The following PKNOX2 variants were observed in gnomAD, a reference collection of about 807,000 sequenced individuals.
The protein encoded by PKNOX2 is homeobox protein PKNOX2.
PKNOX2 carries 14 observed loss-of-function variants against 53.1 expected under a neutral mutation model. The observed-to-expected ratio is 0.26, with a 90% confidence interval of 0.17 to 0.41. PKNOX2 has a LOEUF of 0.41. Among genes scored for constraint, PKNOX2 ranks in the 10% least tolerant of loss-of-function variants. The pLI, the probability that PKNOX2 is intolerant of heterozygous loss-of-function variation, is 1.00. For synonymous variants in PKNOX2, 257 were observed against 242.8 expected (o/e 1.06, Z -0.54); for missense variants, 496 against 602.8 (o/e 0.82, Z 1.85).
chr11:125,265,890 C>A (rs1057011409), intron 2 of PKNOX2, among the ~76,000 whole-genome samples: 6 of 152,186 alleles, frequency 3.9e-5, no homozygotes, highest in African/African-American at 1.2e-4. Flanking sequence ...AGTAGTCACA[C>A]CTCACATTCC....
chr11:125,226,016 C>G (rs1941652057), intron 1 of PKNOX2, among the ~76,000 whole-genome samples: 1 of 152,248 alleles, frequency 6.6e-6, no homozygotes, highest in African/African-American at 2.4e-5. Context: ...AGAGGTGTGG[C>G]AACTTGCCTC....
rs546703537 is a variant in PKNOX2 at position 125,414,566 on chromosome 11, C to T, written c.936+2701C>T. Among the ~76,000 whole-genome samples, 17 of 152,248 alleles carry T rather than the reference C, an allele frequency of 1.1e-4. No homozygotes were observed. The East Asian group carries it at 3.3e-3, about 29-fold the overall frequency. ...TGTCCTTGGCAGGCCACACCTGGGCCACACAGCCATGCACATGTGGACACA... is the reference window on the plus strand; with the variant it reads ...TGTCCTTGGCAGGCCACACCTGGGCTACACAGCCATGCACATGTGGACACA... On this transcript the variant is annotated intron_variant, in intron 10 of 12. Transcript: ENST00000298282.
intron 2 of PKNOX2, among the ~76,000 whole-genome samples, chr11:125,318,834 A>C (rs1488711517): frequency 6.6e-6 from 1 of 152,128 alleles, no homozygotes; most frequent in African/African-American, 2.4e-5. Context: ...TGTGAAAGTG[A>C]GTGAGTTTTC....
chr11:125,355,484 T>G (rs555604073), intron 4 of PKNOX2, among the ~76,000 whole-genome samples: 9 of 152,110 alleles, frequency 5.9e-5, no homozygotes, highest in African/African-American at 2.2e-4. Context: ...CCTGAAGAGG[T>G]AGGGGTAAGT....
intron 2 of PKNOX2, among the ~76,000 whole-genome samples, chr11:125,246,347 G>C (rs1237074433): frequency 6.6e-6 from 1 of 152,186 alleles, no homozygotes; most frequent in Admixed American, 6.5e-5. Flanking sequence ...CCACTCCCGT[G>C]ATAAAGGTGG....
At chr11:125,249,518 T>C (rs1943838903) in intron 2 of PKNOX2, among the ~76,000 whole-genome samples, 1 of 152,204 alleles carries the variant, frequency 6.6e-6, no homozygotes, top group Non-Finnish European at 1.5e-5. Context: ...CTAAACAATA[T>C]AGTATTACAA....
intron 2 of PKNOX2, among the ~76,000 whole-genome samples, chr11:125,244,756 A>G (rs1424826535): frequency 6.6e-6 from 1 of 152,190 alleles, no homozygotes; most frequent in Non-Finnish European, 1.5e-5. Flanking sequence ...TACAGCGGGA[A>G]ATTGGAAGGC....
chr11:125,183,854 T>G (rs923378401), intron 1 of PKNOX2, among the ~76,000 whole-genome samples: 1 of 152,112 alleles, frequency 6.6e-6, no homozygotes, highest in African/African-American at 2.4e-5. Flanking sequence ...TCAGTGCCAG[T>G]GTGGTCAGGG....
At chr11:125,205,903 G>A (rs918656266) in intron 1 of PKNOX2, among the ~76,000 whole-genome samples, 3 of 152,102 alleles carry the variant, frequency 2.0e-5, no homozygotes, top group Non-Finnish European at 2.9e-5. Context: ...TAATAATGAA[G>A]ATTACAATGC....
chr11:125,426,461 A>T (rs10893377), intron 10 of PKNOX2, among the ~76,000 whole-genome samples: 25,155 of 152,236 alleles, frequency 0.17, 2,735 homozygotes, highest in Admixed American at 0.33. Context: ...CAGATGCCCA[A>T]CAGTTGTGGG....
chr11:125,322,702 C>T (rs1949594989), intron 2 of PKNOX2, among the ~76,000 whole-genome samples: 1 of 152,234 alleles, frequency 6.6e-6, no homozygotes, highest in African/African-American at 2.4e-5. Flanking sequence ...CATCTGCCAT[C>T]ACCCCTGTGT....
intron 7 of PKNOX2, 198 bp from the exon 8 acceptor site, chr11:125,409,998 T>G (rs1955403515): frequency 1.5e-6 from 1 of 674,064 alleles, no homozygotes; most frequent in Non-Finnish European, 2.4e-6. Context: ...TCTTTTTGTT[T>G]TTGTTTTTTT....
intron 10 of PKNOX2, among the ~76,000 whole-genome samples, chr11:125,427,482 C>T (rs1956488776): frequency 6.6e-6 from 1 of 152,176 alleles, no homozygotes; most frequent in South Asian, 2.1e-4. Flanking sequence ...TGACCGCAGC[C>T]TTTTCCCTCA....
Position 125,386,309 on chromosome 11 carries a change from G to A in PKNOX2, c.399+587G>A, listed in dbSNP as rs544579855. 2.8e-4 allele frequency among the ~76,000 whole-genome samples: 42 copies of A among 152,252 alleles called. 1 individual carries two copies. Among genetic ancestry groups the A allele is most frequent in the African/African-American group, 5.1e-4 (21 of 41,540 alleles). ...AAAATACATATTTCTAGGCCACACCGCCTGGGAATTGTGATTCAGTGAGTT... is the reference window on the plus strand; with the variant it reads ...AAAATACATATTTCTAGGCCACACCACCTGGGAATTGTGATTCAGTGAGTT... On this transcript the variant is annotated intron_variant, in intron 6 of 12. Coordinates refer to ENST00000298282, the MANE Select transcript of PKNOX2 (RefSeq NM_001382323.2).
At chr11:125,329,141 A>G (rs1030254784) in intron 2 of PKNOX2, among the ~76,000 whole-genome samples, 7 of 152,272 alleles carry the variant, frequency 4.6e-5, no homozygotes, top group African/African-American at 1.7e-4. Context: ...GTATACCCAT[A>G]AATGGAATGC....
chr11:125,351,143 T>C, intron 3 of PKNOX2, 141 bp from the exon 4 acceptor site: 1 of 677,614 alleles, frequency 1.5e-6, no homozygotes, highest in Non-Finnish European at 2.7e-6. Flanking sequence ...TAGCTCTCAT[T>C]TGTTGCCCTG....
At chr11:125,194,937 T>A (rs1957096002) in intron 1 of PKNOX2, among the ~76,000 whole-genome samples, 1 of 152,142 alleles carries the variant, frequency 6.6e-6, no homozygotes, top group African/African-American at 2.4e-5. Flanking sequence ...TTTGAGCTCT[T>A]TATGTAGGTC....
At chr11:125,203,646 C>T (rs1938717174) in intron 1 of PKNOX2, among the ~76,000 whole-genome samples, 1 of 152,166 alleles carries the variant, frequency 6.6e-6, no homozygotes, top group Admixed American at 6.5e-5. Context: ...ACCACAAACC[C>T]AAATGTGCTC....
intron 1 of PKNOX2, among the ~76,000 whole-genome samples, chr11:125,172,439 C>T (rs55835149): frequency 0.35 from 52,687 of 151,984 alleles, 9,343 homozygotes; most frequent in Non-Finnish European, 0.37. Context: ...ACTATAGGCC[C>T]ACATCCAGCC....
Sources: allele counts gnomAD v4.1 joint callset (sites outside exome capture counted in the v4.1 genomes callset), GRCh38; gene constraint gnomAD v4.1.1; transcripts MANE v1.5; gene names NCBI Gene and HGNC (gene_info 2026-07-23, HGNC 2026-07-21).